SUDS3: variants seen among roughly 807,000 people sequenced by gnomAD.
The protein encoded by SUDS3 is SIN3A corepressor complex component SDS3.
SUDS3 carries 23 observed loss-of-function variants against 53.5 expected under a neutral mutation model. The ratio of observed to expected loss-of-function variants is 0.43; its 90% CI spans 0.31 to 0.61. The LOEUF (loss-of-function observed/expected upper bound fraction) is 0.61, where lower values mean the gene tolerates loss of function less well. SUDS3 is among the 20% of genes least tolerant of loss of function. SUDS3 has a pLI of 0.10. For synonymous variants in SUDS3, 150 were observed against 148.5 expected (o/e 1.01, Z -0.08); for missense variants, 291 against 405.9 (o/e 0.72, Z 2.43).
At chr12:118,396,636 A>G (rs1407759597) in intron 6 of SUDS3, among the ~76,000 whole-genome samples, 11 of 152,220 alleles carry the variant, frequency 7.2e-5, no homozygotes, top group Admixed American at 7.2e-4. Flanking sequence ...GCTTGTTTTA[A>G]TAGTTAAAGT....
chr12:118,409,998 A>G (rs2046344272), intron 10 of SUDS3, among the ~76,000 whole-genome samples: 2 of 152,356 alleles, frequency 1.3e-5, no homozygotes, highest in African/African-American at 2.4e-5. Context: ...ACTGTATTCA[A>G]AGCAGCTTTC....
Position 118,414,254 on chromosome 12 carries a change from C to T in SUDS3, c.889-81C>T, listed in dbSNP as rs560356373. 3.7e-5 allele frequency: 38 copies of T among 1,022,532 alleles called. 1 individual carries two copies. The South Asian group carries it at 4.3e-4, about 11-fold the overall frequency. The allele number at this position is 1,022,532 out of a possible 1,614,324, so 63.3% of individuals were successfully genotyped here. On this transcript the variant is annotated intron_variant, in intron 11 of 11. Transcript: ENST00000543473. ...ACCAGCCTTCTGCTTGCATCTCACT[C>T]GTGCAGATATTTTGATGGTGTAGGA... is the stretch of plus-strand genomic sequence containing the variant.
In SUDS3 at chr12:118,386,243, G is replaced by A. The variant is rs918386852; in HGVS notation, c.340+58G>A. Reference sequence around the variant, plus strand: ...TTCAATGTTTGACCATTTGCCGATCGTCGGTGTAATGCAGCCCTAAGAGCT... The same window carrying A: ...TTCAATGTTTGACCATTTGCCGATCATCGGTGTAATGCAGCCCTAAGAGCT... On this transcript the variant is annotated intron_variant, in intron 4 of 11. Transcript: ENST00000543473. The A allele has an allele frequency of 2.7e-5, 37 of 1,383,012 alleles. 1 individual carries two copies. Among genetic ancestry groups the A allele is most frequent in the Admixed American group, 1.2e-4 (6 of 50,802 alleles). 85.7% of individuals were successfully genotyped at this position (1,383,012 alleles called of 1,614,324 possible).
rs1328215685 is a variant in SUDS3, at chr12:118,376,562, G to C, written c.-130G>C. 1.7e-6 allele frequency: 2 copies of C among 1,185,372 alleles called. No homozygotes were observed. The highest frequency in any genetic ancestry group is 3.2e-5 in the East Asian group (1 of 30,884). 73.4% of individuals were successfully genotyped at this position (1,185,372 alleles called of 1,614,324 possible). On this transcript the variant is annotated 5_prime_UTR_variant, in exon 1 of 12. Coordinates refer to ENST00000543473, the MANE Select transcript of SUDS3 (RefSeq NM_022491.3). ...CGGGGGGCGGAGCTCGGCGGAGACG[G>C]GGAAGGGGTCGCCGTGGCTGCCGGT...
At chr12:118,406,887 C>G (rs532722728) in intron 10 of SUDS3, among the ~76,000 whole-genome samples, 9 of 147,298 alleles carry the variant, frequency 6.1e-5, no homozygotes, top group Admixed American at 2.0e-4. Context: ...CCCCGCCCCC[C>G]CATATGAACA....
rs143927287 is a variant in SUDS3 at position 118,409,501 on chromosome 12, A to C, written c.804-1572A>C. 3.8e-4 allele frequency among the ~76,000 whole-genome samples: 58 copies of C among 152,084 alleles called. No homozygotes were observed. In the East Asian group the frequency reaches 7.5e-3, roughly 20 times the overall value. The stretch of plus-strand genomic sequence containing the variant: ...GAAAGTACATTGACTTGGAAACCTG[A>C]GTTTTCAGTTCATAAGTAGCAGGTT... On this transcript the variant is annotated intron_variant, in intron 10 of 11. Coordinates refer to ENST00000543473, the MANE Select transcript of SUDS3 (RefSeq NM_022491.3).
At chr12:118,398,808 T>C (rs61943402) in intron 6 of SUDS3, among the ~76,000 whole-genome samples, 17,462 of 152,114 alleles carry the variant, frequency 0.11, 1,266 homozygotes, top group Middle Eastern at 0.19. Flanking sequence ...TATGCACCCC[T>C]ACTGTGCCAG....
At chr12:118,410,604 A>T (rs1267961874) in intron 10 of SUDS3, among the ~76,000 whole-genome samples, 1 of 146,896 alleles carries the variant, frequency 6.8e-6, no homozygotes, top group Non-Finnish European at 1.5e-5. Flanking sequence ...TTATTTATTT[A>T]TTTATTTTTT....
Position 118,415,158 on chromosome 12 carries a change from C to T in SUDS3, c.*725C>T, listed in dbSNP as rs2046389798. The T allele has an allele frequency of 6.6e-6, 1 of 152,184 alleles. No individual in the cohort carries two copies. Among genetic ancestry groups the T allele is most frequent in the Non-Finnish European group, 1.5e-5 (1 of 68,036 alleles). 9.4% of individuals were successfully genotyped at this position (152,184 alleles called of 1,614,324 possible). A position where few individuals can be genotyped will look rare whatever the true frequency, so the allele number is the denominator to read the frequency against. On this transcript the variant is annotated 3_prime_UTR_variant, in exon 12 of 12. Coordinates refer to ENST00000543473, the MANE Select transcript of SUDS3 (RefSeq NM_022491.3). ...ATTTAATGCAGGTGATTTATTCAAA[C>T]ATTTGTTCTAGCTTAAGCTGGAATA...
intron 9 of SUDS3, 25 bp from the exon 10 acceptor site, chr12:118,403,387 T>G: frequency 6.4e-7 from 1 of 1,573,704 alleles, no homozygotes; most frequent in Non-Finnish European, 8.7e-7. Flanking sequence ...ACATTCTTAG[T>G]CACGTAAGTA....
chr12:118,376,953 G>A (rs373621831), intron 1 of SUDS3, 120 bp downstream of exon 1: 3 of 1,258,222 alleles, frequency 2.4e-6, no homozygotes, highest in East Asian at 3.1e-5. Context: ...TGGAGGGGCC[G>A]CCGGGAGTTG....
chr12:118,401,859 C>T (rs1435775043), intron 8 of SUDS3, 39 bp downstream of exon 8: 8 of 1,605,622 alleles, frequency 5.0e-6, no homozygotes, highest in African/African-American at 1.3e-5. Context: ...AAAACTCAGG[C>T]TTTTGTGGTT....
At chr12:118,387,130 A>G (rs2046122103) in intron 4 of SUDS3, among the ~76,000 whole-genome samples, 1 of 152,172 alleles carries the variant, frequency 6.6e-6, no homozygotes, top group Non-Finnish European at 1.5e-5. Flanking sequence ...AAAGGGGTTG[A>G]AGTGTGGGTG....
intron 4 of SUDS3, among the ~76,000 whole-genome samples, chr12:118,386,763 T>C (rs1341901025): frequency 6.6e-6 from 1 of 152,202 alleles, no homozygotes; most frequent in Non-Finnish European, 1.5e-5. Context: ...TTTAGGACAC[T>C]TGGTGTTTCA....
At chr12:118,398,601 A>G (rs1420408141) in intron 6 of SUDS3, among the ~76,000 whole-genome samples, 2 of 148,458 alleles carry the variant, frequency 1.3e-5, no homozygotes, top group East Asian at 1.9e-4. Context: ...TCTTAAGAGC[A>G]ACATGCAGAA....
At position 118,414,385 on chromosome 12, in the gene SUDS3, C is replaced by T. The variant is rs2046382864; in HGVS notation, c.939C>T (p.Gly313=). 6.2e-7 allele frequency: 1 copy of T among 1,605,336 alleles called. No homozygotes were observed. The highest frequency in any genetic ancestry group is 1.7e-5 in the Admixed American group (1 of 59,002). Residue 313 remains glycine, a synonymous_variant, in exon 12 of 12, where the codon GGC becomes GGT. Transcript: ENST00000543473. Reference sequence around the variant, plus strand: ...GCACCAAGATGAGGATCTACCTGGGCCAGCTTCAGCGCGGGCTCTTCGTGA... The same window carrying T: ...GCACCAAGATGAGGATCTACCTGGGTCAGCTTCAGCGCGGGCTCTTCGTGA... ...SDSTKMRIYL[G]QLQRGLFVIR...
intron 7 of SUDS3, 58 bp downstream of exon 7, chr12:118,400,812 G>A (rs1331759703): frequency 1.3e-6 from 2 of 1,507,280 alleles, no homozygotes; most frequent in Middle Eastern, 1.7e-4. Context: ...GGAATCCTAT[G>A]TTTATCCGTT....
intron 1 of SUDS3, 88 bp from the exon 2 acceptor site, chr12:118,380,071 CGGG>C (rs1382263796): frequency 2.0e-6 from 2 of 988,812 alleles, no homozygotes; most frequent in African/African-American, 3.2e-5. Context: ...ATTGATTTTA[CGGG>C]AGTTTATTGA....
intron 9 of SUDS3, 163 bp downstream of exon 9, chr12:118,402,167 C>T: frequency 1.5e-6 from 1 of 655,040 alleles, no homozygotes; most frequent in Non-Finnish European, 2.6e-6. Flanking sequence ...AACTATACCC[C>T]TCCCTGATTT....
Sources: allele counts gnomAD v4.1 joint callset (sites outside exome capture counted in the v4.1 genomes callset), GRCh38; gene constraint gnomAD v4.1.1; transcripts MANE v1.5; gene names NCBI Gene and HGNC (gene_info 2026-07-23, HGNC 2026-07-21).